The following DNAH1 variants were observed in gnomAD, a reference collection of about 807,000 sequenced individuals.
DNAH1 encodes the protein axonemal beta dynein heavy chain 1.
Under a neutral mutation model 484.3 loss-of-function variants are expected in DNAH1, and 327 were observed. That is an observed-to-expected ratio of 0.68 (90% CI 0.62 to 0.74). DNAH1 has a LOEUF of 0.74. DNAH1 is among the 30% of genes least tolerant of loss of function. DNAH1 has a pLI of 0.00. For synonymous variants in DNAH1, 2,192 were observed against 2,191.9 expected, an observed-to-expected ratio of 1.00 and a Z score of 0.00; for missense variants, 5,052 against 5,546.8, an observed-to-expected ratio of 0.91 and a Z score of 2.83.
At chr3:52,360,523 G>A in intron 28 of DNAH1, 99 bp downstream of exon 28, 1 of 988,908 alleles carries the variant, frequency 1.0e-6, no homozygotes, top group Non-Finnish European at 1.5e-6. Context: ...GGGTGATCTA[G>A]TCCATCAGAG....
At chr3:52,398,652 G>A (rs1190344052) in intron 75 of DNAH1, among the ~76,000 whole-genome samples, 198 bp from the exon 76 acceptor site, 3 of 151,886 alleles carry the variant, frequency 2.0e-5, no homozygotes, top group Non-Finnish European at 2.9e-5. Flanking sequence ...AAAATGTTCC[G>A]TAAGCTATCC....
upstream of DNAH1, among the ~76,000 whole-genome samples, chr3:52,314,492 T>C (rs1700887603): frequency 6.6e-6 from 1 of 152,188 alleles, no homozygotes. Context: ...ACAGCCACTA[T>C]CTTTGAGGTG....
chr3:52,321,176 G>A (rs1020088531), intron 1 of DNAH1, among the ~76,000 whole-genome samples: 1 of 151,152 alleles, frequency 6.6e-6, no homozygotes, highest in East Asian at 1.9e-4. Flanking sequence ...GGGTGCAATG[G>A]CGCGATCTGA....
chr3:52,361,084 C>G lies in DNAH1; in HGVS notation c.4686-80C>G. ...CCAAAAGGGGACGGGGCGAGAGGCC[C>G]CAGTCCACAGGAAATTCCAAGGAAA... On this transcript the variant is annotated intron_variant, in intron 28 of 77. Transcript: ENST00000420323. The surrounding 1 kb of genome is among the most constrained non-coding windows in gnomAD (Gnocchi z 5.6). The G allele has an allele frequency of 7.6e-7, 1 of 1,324,088 alleles. No homozygotes were observed. The highest frequency in any genetic ancestry group is 9.8e-7 in the Non-Finnish European group (1 of 1,018,854). The allele number at this position is 1,324,088 out of a possible 1,614,324, so 82.0% of individuals were successfully genotyped here.
Position 52,360,164 on chromosome 3 carries a change from T to C in DNAH1, c.4571+85T>C, listed in dbSNP as rs545352194. On this transcript the variant is annotated intron_variant, in intron 27 of 77. Transcript: ENST00000420323. ...AGAGAAAAGTCAGTTAGCAATAAGC[T>C]GGTCTCTGTCCTTGAGGTTCTGGGA... The C allele has an allele frequency of 4.9e-4, 777 of 1,586,760 alleles. 8 individuals carry two copies. In the South Asian group the frequency reaches 6.9e-3, roughly 14 times the overall value.
In DNAH1 at chr3:52,364,137, TG is replaced by T. The variant is rs927792329; in HGVS notation, c.5245-497del. Among the ~76,000 whole-genome samples, 1 of 152,196 alleles carries T rather than the reference TG, an allele frequency of 6.6e-6. No individual in the cohort carries two copies. Among genetic ancestry groups the T allele is most frequent in the Non-Finnish European group, 1.5e-5 (1 of 68,042 alleles). ...ATGGAGTCCTCTTGGTTGGGCACCATGGGGCAGAATGATTAATTTAACTATT... is the reference window on the plus strand; with the variant it reads ...ATGGAGTCCTCTTGGTTGGGCACCATGGGCAGAATGATTAATTTAACTATT... On this transcript the variant is annotated intron_variant, in intron 32 of 77. Transcript: ENST00000420323. The surrounding 1 kb of genome is among the most constrained non-coding windows in gnomAD (Gnocchi z 4.2).
Position 52,327,813 on chromosome 3 carries a change from C to G in DNAH1, c.739-69C>G, listed in dbSNP as rs545693224. On this transcript the variant is annotated intron_variant, in intron 5 of 77. Transcript: ENST00000420323. ...ATTACTTAGGCACCCCATCCTTTGGCACACCCAGTCCCACCTGGGCCCCAC... is the reference window on the plus strand; with the variant it reads ...ATTACTTAGGCACCCCATCCTTTGGGACACCCAGTCCCACCTGGGCCCCAC... The G allele has an allele frequency of 1.3e-4, 209 of 1,582,060 alleles. No homozygotes were observed. The African/African-American group carries it at 2.6e-3, about 19-fold the overall frequency.
chr3:52,349,198 C>T lies in DNAH1; in HGVS notation c.2304C>T (p.Thr768=), dbSNP rs1169701369. The change falls in exon 14 of 78, where the codon ACC becomes ACT. Residue 768 remains threonine, a synonymous_variant. Coordinates refer to ENST00000420323, the MANE Select transcript of DNAH1 (RefSeq NM_015512.5). Reference sequence around the variant, plus strand: ...CCCGTGTGCTTGCTGTCCTCAGAACCTACCAGACGCAGGGCCTGTTGGCCC... The same window carrying T: ...CCCGTGTGCTTGCTGTCCTCAGAACTTACCAGACGCAGGGCCTGTTGGCCC... ...NNNDIASFLK[T]YQTQGLLAQE... 2 of 1,613,410 alleles carry T rather than the reference C, an allele frequency of 1.2e-6. No homozygotes were observed. The highest frequency in any genetic ancestry group is 1.7e-6 in the Non-Finnish European group (2 of 1,179,590).
Position 52,399,713 on chromosome 3 carries a change from C to T in DNAH1, c.12610C>T (p.Pro4204Ser). 1 of 1,614,030 alleles carries T rather than the reference C, an allele frequency of 6.2e-7. No individual in the cohort carries two copies. Among genetic ancestry groups the T allele is most frequent in the Non-Finnish European group, 8.5e-7 (1 of 1,179,892 alleles). The change falls in exon 77 of 78, where the codon CCC becomes TCC. Residue 4204 changes from proline to serine, a missense_variant. By Grantham distance (74) the Pro-to-Ser change is moderately conservative. Transcript: ENST00000420323. ...GGCCGTTATCTGGCTCTTGCCAACACCCAACCGCAAGGCCCAGGACCAGGA... is the reference window on the plus strand; with the variant it reads ...GGCCGTTATCTGGCTCTTGCCAACATCCAACCGCAAGGCCCAGGACCAGGA... ...EMAVIWLLPT[P>S]NRKAQDQDFY... is the part of the protein sequence containing the mutation.
At chr3:52,321,322 G>A (rs565624240) in intron 1 of DNAH1, among the ~76,000 whole-genome samples, 104 of 151,554 alleles carry the variant, frequency 6.9e-4, no homozygotes, top group African/African-American at 2.4e-3. Context: ...CACTGTGTTG[G>A]TCAGGCTGGT....
intron 44 of DNAH1, chr3:52,374,722 G>A (rs1703507817): frequency 7.6e-7 from 1 of 1,316,324 alleles, no homozygotes; most frequent in Non-Finnish European, 1.1e-6. Context: ...ATAATACATG[G>A]CTTGATATAC....
Position 52,383,922 on chromosome 3 carries a change from CCAT to C in DNAH1, c.8215_8217del (p.Ile2739del), listed in dbSNP as rs1703978171. The stretch of plus-strand genomic sequence containing the variant: ...TTTCCCTCCCTGGTCAACTGCTGTA[CCAT>C]CGACTGGTTTAACGAGTGGCCGGCA... On this transcript the variant is annotated inframe_deletion, in exon 52 of 78. Coordinates refer to ENST00000420323, the MANE Select transcript of DNAH1 (RefSeq NM_015512.5). 6.2e-7 allele frequency: 1 copy of C among 1,613,446 alleles called. No homozygotes were observed. Among genetic ancestry groups the C allele is most frequent in the Non-Finnish European group, 8.5e-7 (1 of 1,179,672 alleles).
At position 52,353,165 on chromosome 3, in the gene DNAH1, G is replaced by A. The variant is rs140275399; in HGVS notation, c.3090G>A (p.Ala1030=). ...FQPYLDLWTT[A]SDWLRWSESW... ...CCTACCTGGACCTTTGGACCACAGC[G>A]TCTGACTGGCTGCGCTGGTCGGAGA... The change falls in exon 19 of 78, where the codon GCG becomes GCA. Residue 1030 remains alanine, a synonymous_variant. Transcript: ENST00000420323. The surrounding 1 kb of genome is among the most constrained non-coding windows in gnomAD (Gnocchi z 5.0). The A allele has an allele frequency of 6.1e-3, 9,805 of 1,614,012 alleles. 77 individuals are homozygous for A. Among genetic ancestry groups the A allele is most frequent in the South Asian group, 0.023 (2,119 of 91,086 alleles).
chr3:52,326,246 C>T lies in DNAH1; in HGVS notation c.513C>T (p.Tyr171=), dbSNP rs746807405. ...AGACTGACTTCCCACTGCAGGCCTACGAGCCCAAGATGCAGGTGCCTTTCC... is the reference window on the plus strand; with the variant it reads ...AGACTGACTTCCCACTGCAGGCCTATGAGCCCAAGATGCAGGTGCCTTTCC... ...LAQTDFPLQA[Y]EPKMQVPFQV... is the part of the protein sequence containing the mutation. Residue 171 remains tyrosine, a synonymous_variant, in exon 4 of 78, where the codon TAC becomes TAT. Transcript: ENST00000420323. The T allele has an allele frequency of 3.2e-5, 52 of 1,612,838 alleles. No individual in the cohort carries two copies. The highest frequency in any genetic ancestry group is 1.8e-4 in the South Asian group (16 of 90,958).
chr3:52,375,988 G>A lies in DNAH1; in HGVS notation c.7193G>A (p.Arg2398His), dbSNP rs201299120. The change falls in exon 46 of 78, where the codon CGT becomes CAT. Residue 2398 changes from arginine (R) to histidine (H), a missense_variant. This residue lies in a region of DNAH1 where 2,929 missense variants were observed against 3,409.4 expected (regional missense o/e 0.86). Transcript: ENST00000420323. ...GLLGEKSYRE[R>H]VPGAPHIAHF... ...CTTGGAGAAAAAAGCTACCGGGAGC[G>A]TGTGCGTAAGTGTGGGCCTGGGCGG... The A allele has an allele frequency of 3.8e-3, 6,054 of 1,611,914 alleles. 21 individuals are homozygous for A. Among genetic ancestry groups the A allele is most frequent in the Non-Finnish European group, 4.6e-3 (5,441 of 1,179,330 alleles).
chr3:52,373,826 G>T (rs1204882086), intron 44 of DNAH1: 8 of 1,417,346 alleles, frequency 5.6e-6, no homozygotes, highest in Non-Finnish European at 6.0e-6. Context: ...TGATCACAGA[G>T]CCTGTTTACC....
intron 3 of DNAH1, among the ~76,000 whole-genome samples, chr3:52,324,448 G>A (rs769154036): frequency 6.6e-6 from 1 of 152,106 alleles, no homozygotes; most frequent in Non-Finnish European, 1.5e-5. Flanking sequence ...AGCTCTGAGT[G>A]GTGGTGAGGA....
chr3:52,390,130 A>C (rs1001699424), intron 60 of DNAH1, among the ~76,000 whole-genome samples: 1 of 152,102 alleles, frequency 6.6e-6, no homozygotes. Flanking sequence ...CAAAAGAGAA[A>C]AAAAAAGAGT....
intron 42 of DNAH1, 52 bp from the exon 43 acceptor site, chr3:52,372,175 C>T: frequency 7.4e-6 from 12 of 1,611,080 alleles, no homozygotes; most frequent in Middle Eastern, 1.7e-4. Flanking sequence ...GGGGCAGCTC[C>T]TCCTGTGCAC....
Sources: gnomAD v4.1 joint callset for allele counts (sites outside exome capture counted in the v4.1 genomes callset) on GRCh38, gnomAD v4.1.1 for gene constraint, gnomAD v4.1.1 regional missense constraint, Gnocchi (gnomAD v3.1) non-coding constraint, MANE v1.5 for transcripts, NCBI Gene and HGNC (gene_info 2026-07-23, HGNC 2026-07-21) for gene names.